ZIC4: variants seen among roughly 807,000 people sequenced by gnomAD.
ZIC4 encodes zinc finger protein ZIC 4.
ZIC4 carries 15 observed loss-of-function variants against 28.8 expected under a neutral mutation model. That is an observed-to-expected ratio of 0.52 (90% CI 0.35 to 0.80). ZIC4 has a LOEUF of 0.80. ZIC4 is among the 30% of genes least tolerant of loss of function. The probability of loss-of-function intolerance (pLI) is 0.01; values close to 1 mark genes in which losing one functional copy is unlikely to be tolerated. For synonymous variants in ZIC4, 220 were observed against 198.1 expected (o/e 1.11, Z -0.93); for missense variants, 512 against 467.1 (o/e 1.10, Z -0.89).
intron 2 of ZIC4, among the ~76,000 whole-genome samples, chr3:147,399,319 G>C (rs2087116010): frequency 6.6e-6 from 1 of 152,084 alleles, no homozygotes; most frequent in Non-Finnish European, 1.5e-5. Context: ...CCAGTGAAAG[G>C]TTTACACATC....
In ZIC4 at chr3:147,394,979, G is replaced by T. The variant is rs563586113; in HGVS notation, c.688+873C>A. On this transcript the variant is annotated intron_variant, in intron 3 of 4. Coordinates refer to ENST00000383075, the MANE Select transcript of ZIC4 (RefSeq NM_032153.6). Reference sequence around the variant, plus strand: ...CTGTCCCCACCAGTCCCCTTCTCCCGCCCCCAAAATGGGGGAGGGGAGAAG... The same window carrying T: ...CTGTCCCCACCAGTCCCCTTCTCCCTCCCCCAAAATGGGGGAGGGGAGAAG... Among the ~76,000 whole-genome samples, 6 of 152,224 alleles carry T rather than the reference G, an allele frequency of 3.9e-5. No homozygotes were observed. In the South Asian group the frequency reaches 1.0e-3, roughly 26 times the overall value.
At chr3:147,389,799 A>G (rs1239202569) in intron 4 of ZIC4, among the ~76,000 whole-genome samples, 1 of 152,168 alleles carries the variant, frequency 6.6e-6, no homozygotes, top group Non-Finnish European at 1.5e-5. Context: ...TAAAAATAAG[A>G]CGAACATTGT....
intron 2 of ZIC4, among the ~76,000 whole-genome samples, chr3:147,398,654 T>C (rs1370061885): frequency 6.6e-6 from 1 of 152,110 alleles, no homozygotes; most frequent in Non-Finnish European, 1.5e-5. Context: ...GTCTAAGTGC[T>C]TGGGCTTCCC....
intron 3 of ZIC4, 41 bp downstream of exon 3, chr3:147,395,811 C>T: frequency 6.3e-7 from 1 of 1,577,316 alleles, no homozygotes; most frequent in South Asian, 1.2e-5. Flanking sequence ...GGCCTGCTTC[C>T]CCAGAGGGTC....
rs775287800 is a variant in ZIC4, at chr3:147,391,261, G to A, written c.689-15C>T. 6 of 1,566,684 alleles carry A rather than the reference G, an allele frequency of 3.8e-6. No individual in the cohort carries two copies. Among genetic ancestry groups the A allele is most frequent in the Admixed American group, 3.4e-5 (2 of 57,982 alleles). On this transcript the variant is annotated splice_polypyrimidine_tract_variant and intron_variant, in intron 3 of 4. Transcript: ENST00000383075. Reference sequence around the variant, plus strand: ...GGGCTTCTCGCCTGGCGGAGGCAACGCAGAGACATTAGTGCTTGTGGGTCG... The same window carrying A: ...GGGCTTCTCGCCTGGCGGAGGCAACACAGAGACATTAGTGCTTGTGGGTCG...
chr3:147,392,078 C>T (rs990402120), intron 3 of ZIC4: 7 of 985,460 alleles, frequency 7.1e-6, no homozygotes, highest in Non-Finnish European at 8.4e-6. Flanking sequence ...CCTCCCAGTC[C>T]GCACTGACTT....
chr3:147,405,799 G>T, intron 1 of ZIC4: 1 of 402,160 alleles, frequency 2.5e-6, no homozygotes. Flanking sequence ...AGGTTGGGGC[G>T]GAGAAGTTCC....
At chr3:147,398,555 G>A (rs1013593187) in intron 2 of ZIC4, among the ~76,000 whole-genome samples, 1 of 152,160 alleles carries the variant, frequency 6.6e-6, no homozygotes, top group African/African-American at 2.4e-5. Context: ...CTTTGTCTGA[G>A]CCGACCGGCT....
rs771134809 is a variant in ZIC4, at chr3:147,391,035, C to G, written c.900G>C (p.Ser300=). The G allele has an allele frequency of 6.8e-6, 11 of 1,613,776 alleles. No homozygotes were observed. Among genetic ancestry groups the G allele is most frequent in the Non-Finnish European group, 9.3e-6 (11 of 1,179,994 alleles). Reference sequence around the variant, plus strand: ...GCGACACGAGGGCAGACGGTGTAGCCGAATCGTAGCCAGAGCTGGGCGGCG... The same window carrying G: ...GCGACACGAGGGCAGACGGTGTAGCGGAATCGTAGCCAGAGCTGGGCGGCG... ...RSPPPSSGYD[S]ATPSALVSPS... is the part of the protein sequence containing the mutation. Residue 300 remains serine (S), a synonymous_variant, in exon 4 of 5, where the codon TCG becomes TCC. Coordinates refer to ENST00000383075, the MANE Select transcript of ZIC4 (RefSeq NM_032153.6).
intron 2 of ZIC4, among the ~76,000 whole-genome samples, chr3:147,401,178 T>C (rs1411113155): frequency 2.6e-5 from 4 of 152,150 alleles, no homozygotes; most frequent in Non-Finnish European, 5.9e-5. Flanking sequence ...CCCAGACGAA[T>C]GCAGTGGCAT....
intron 4 of ZIC4, among the ~76,000 whole-genome samples, chr3:147,389,726 G>A: frequency 6.6e-6 from 1 of 152,080 alleles, no homozygotes; most frequent in African/African-American, 2.4e-5. Context: ...TAGACCCACT[G>A]GGTGTTTGCC....
At chr3:147,390,587 A>C (rs2086891243) in intron 4 of ZIC4, among the ~76,000 whole-genome samples, 1 of 151,896 alleles carries the variant, frequency 6.6e-6, no homozygotes, top group Non-Finnish European at 1.5e-5. Context: ...GTTTTATGAT[A>C]CCCAGTCATG....
At position 147,396,059 on chromosome 3, in the gene ZIC4, C is replaced by A. The variant is rs781015774; in HGVS notation, c.481G>T (p.Glu161Ter). The change falls in exon 3 of 5, where the codon GAG becomes TAG. Residue 161 changes from glutamate (E) to a stop codon, truncating the protein, a stop_gained. Transcript: ENST00000383075. LOFTEE classifies it high-confidence loss of function. The surrounding 1 kb of genome is among the most constrained non-coding windows in gnomAD (Gnocchi z 4.2). ...GCCTGTTCCGGGCCGCCGACGTGCT[C>A]CACGGTGACGTGCGTGACCAGCTCG... is the stretch of plus-strand genomic sequence containing the variant. Reference protein sequence around the residue: ...MHELVTHVTVEHVGGPEQANH... With the variant: ...MHELVTHVTV 6.2e-7 allele frequency: 1 copy of A among 1,614,264 alleles called. No homozygotes were observed. The highest frequency in any genetic ancestry group is 8.5e-7 in the Non-Finnish European group (1 of 1,180,046).
intron 1 of ZIC4, chr3:147,403,809 T>C: frequency 1.3e-6 from 1 of 780,258 alleles, no homozygotes; most frequent in Non-Finnish European, 1.9e-6. Flanking sequence ...GACTCTGTTA[T>C]CTTAAACGGT....
In ZIC4 at chr3:147,396,342, C is replaced by G. The variant is rs764888367; in HGVS notation, c.198G>C (p.Gly66=). 14 of 1,573,374 alleles carry G rather than the reference C, an allele frequency of 8.9e-6. No homozygotes were observed. The East Asian group carries it at 2.9e-4, about 33-fold the overall frequency. Reference sequence around the variant, plus strand: ...GCCGCGCGTACATGTCTCCAGGGAGCCCCAGACGCAGGAGTCCATTCAAAG... The same window carrying G: ...GCCGCGCGTACATGTCTCCAGGGAGGCCCAGACGCAGGAGTCCATTCAAAG... ...SRPLNGLLRL[G]LPGDMYARPE... Residue 66 remains glycine (G), a synonymous_variant, in exon 3 of 5, where the codon GGG becomes GGC. Transcript: ENST00000383075. This position sits in a 1 kb window ranked among gnomAD's most constrained non-coding sequence, Gnocchi z 4.2.
chr3:147,390,807 A>G lies in ZIC4; in HGVS notation c.1004+124T>C, dbSNP rs912541915. ...CTCTGCATTCGGTGTGTGCGGAAGC[A>G]GCAATCACAGAGGCAGCCCTAATAC... On this transcript the variant is annotated intron_variant, in intron 4 of 4. Transcript: ENST00000383075. 12 of 1,230,752 alleles carry G rather than the reference A, an allele frequency of 9.8e-6. No homozygotes were observed. In the African/African-American group the frequency reaches 1.8e-4, roughly 19 times the overall value. The allele number at this position is 1,230,752 out of a possible 1,614,324, so 76.2% of individuals were successfully genotyped here. A position where few individuals can be genotyped will look rare whatever the true frequency, so the allele number is the denominator to read the frequency against.
chr3:147,395,318 C>T (rs751907788), intron 3 of ZIC4, among the ~76,000 whole-genome samples: 5 of 152,102 alleles, frequency 3.3e-5, no homozygotes, highest in South Asian at 4.1e-4. Flanking sequence ...AAGTGAGGGT[C>T]CACCAAACAT....
Position 147,388,782 on chromosome 3 carries a change from C to G in ZIC4, c.*77G>C, listed in dbSNP as rs1020240256. On this transcript the variant is annotated 3_prime_UTR_variant, in exon 5 of 5. Coordinates refer to ENST00000383075, the MANE Select transcript of ZIC4 (RefSeq NM_032153.6). Reference sequence around the variant, plus strand: ...AGAAACACTGCTTTGTGCGCGGGCCCTTTGATGTAGCAGGCGCGAGATGCG... The same window carrying G: ...AGAAACACTGCTTTGTGCGCGGGCCGTTTGATGTAGCAGGCGCGAGATGCG... 5 of 759,852 alleles carry G rather than the reference C, an allele frequency of 6.6e-6. No homozygotes were observed. Among genetic ancestry groups the G allele is most frequent in the Admixed American group, 1.9e-5 (1 of 53,274 alleles). 47.1% of individuals were successfully genotyped at this position (759,852 alleles called of 1,614,324 possible). A position where few individuals can be genotyped will look rare whatever the true frequency, so the allele number is the denominator to read the frequency against.
chr3:147,405,435 C>A (rs760923669), intron 1 of ZIC4: 2 of 1,537,230 alleles, frequency 1.3e-6, no homozygotes, highest in South Asian at 2.4e-5. Flanking sequence ...TCCAAAAGCC[C>A]CTCCGCTTTC....
Sources: allele counts gnomAD v4.1 joint callset (sites outside exome capture counted in the v4.1 genomes callset), GRCh38; gene constraint gnomAD v4.1.1; non-coding constraint Gnocchi (gnomAD v3.1); transcripts MANE v1.5; gene names NCBI Gene and HGNC (gene_info 2026-07-23, HGNC 2026-07-21).